The following SNRPD1 variants were observed in gnomAD, a reference collection of about 807,000 sequenced individuals.
SNRPD1 encodes small nuclear ribonucleoprotein Sm D1.
SNRPD1 carries 1 observed loss-of-function variant against 14.4 expected under a neutral mutation model. That is an observed-to-expected ratio of 0.07 (90% confidence interval 0.02 to 0.33). The LOEUF (loss-of-function observed/expected upper bound fraction) is 0.33. Ranked by LOEUF, SNRPD1 falls within the 10% of genes least tolerant of loss-of-function variation. The pLI is 1.00. For missense variants in SNRPD1, 52 were observed against 146.4 expected, an observed-to-expected ratio of 0.36 and a Z score of 3.33; for synonymous variants, 42 against 50.3, an observed-to-expected ratio of 0.83 and a Z score of 0.70.
Position 21,630,546 on chromosome 18 carries a change from G to A in SNRPD1, c.*1408G>A, listed in dbSNP as rs1286207525. 2 of 151,830 alleles carry A rather than the reference G, an allele frequency of 1.3e-5. No homozygotes were observed. Among genetic ancestry groups the A allele is most frequent in the African/African-American group, 4.8e-5 (2 of 41,362 alleles). The allele number at this position is 151,830 out of a possible 1,614,324, so 9.4% of individuals were successfully genotyped here. ...GGAGGCCGAGGCAGGTGGATCACGA[G>A]GTCAGGAGTTGAAGACCAGCTTGGC... is the stretch of plus-strand genomic sequence containing the variant. On this transcript the variant is annotated 3_prime_UTR_variant, in exon 4 of 4. Coordinates refer to ENST00000300413, the MANE Select transcript of SNRPD1 (RefSeq NM_006938.4).
In SNRPD1 at chr18:21,623,860, T is replaced by C; in HGVS notation, c.204T>C (p.Phe68=). 6.2e-7 allele frequency: 1 copy of C among 1,612,628 alleles called. No homozygotes were observed. Among genetic ancestry groups the C allele is most frequent in the South Asian group, 1.1e-5 (1 of 91,036 alleles). ...LSIRGNNIRY[F]ILPDSLPLDT... ...TTCGAGGAAATAACATTCGGTATTT[T>C]ATTCTACCAGACAGTTTACCTCTGG... The change falls in exon 3 of 4, where the codon TTT becomes TTC. Residue 68 remains phenylalanine (F), a synonymous_variant. Coordinates refer to ENST00000300413, the MANE Select transcript of SNRPD1 (RefSeq NM_006938.4).
intron 2 of SNRPD1, among the ~76,000 whole-genome samples, chr18:21,623,322 A>T (rs1276784016): frequency 6.6e-6 from 1 of 152,168 alleles, no homozygotes; most frequent in Non-Finnish European, 1.5e-5. Context: ...CGAACTCCTG[A>T]CCTCATGATC....
At chr18:21,617,607 C>T (rs1375548440) in intron 1 of SNRPD1, among the ~76,000 whole-genome samples, 1 of 152,164 alleles carries the variant, frequency 6.6e-6, no homozygotes, top group Admixed American at 6.6e-5. Context: ...GATGAAAATC[C>T]TTCAGTAGCT....
rs879611331 is a variant in SNRPD1, at chr18:21,630,843, T to C, written c.*1705T>C. ...ATATATAAATATATACTAATAGATA[T>C]ATTAGTATACATGTAGAATGTACCT... On this transcript the variant is annotated 3_prime_UTR_variant, in exon 4 of 4. Coordinates refer to ENST00000300413, the MANE Select transcript of SNRPD1 (RefSeq NM_006938.4). The C allele has an allele frequency of 1.1e-4, 17 of 148,534 alleles. No homozygotes were observed. Among genetic ancestry groups the C allele is most frequent in the Non-Finnish European group, 1.9e-4 (13 of 67,358 alleles). The allele number at this position is 148,534 out of a possible 1,614,324, so 9.2% of individuals were successfully genotyped here. A position where few individuals can be genotyped will look rare whatever the true frequency, so the allele number is the denominator to read the frequency against.
intron 1 of SNRPD1, among the ~76,000 whole-genome samples, chr18:21,614,821 C>T (rs1420243581): frequency 6.6e-6 from 1 of 152,100 alleles, no homozygotes; most frequent in African/African-American, 2.4e-5. Flanking sequence ...AAAGATTCAT[C>T]TGAAAATAAT....
In SNRPD1 at chr18:21,612,363, A is replaced by C. The variant is rs1039920707; in HGVS notation, c.-67A>C. 6.5e-5 allele frequency: 86 copies of C among 1,315,844 alleles called. No homozygotes were observed. In the Admixed American group the frequency reaches 2.0e-3, roughly 30 times the overall value. 81.5% of individuals were successfully genotyped at this position (1,315,844 alleles called of 1,614,324 possible). Reference sequence around the variant, plus strand: ...AGGCGCTTCCGGCCATTCATACTGCAGTCGGTCAGTGTTCGGTTGAAGGAT... The same window carrying C: ...AGGCGCTTCCGGCCATTCATACTGCCGTCGGTCAGTGTTCGGTTGAAGGAT... On this transcript the variant is annotated 5_prime_UTR_variant, in exon 1 of 4. Transcript: ENST00000300413.
In SNRPD1 at chr18:21,625,259, C is replaced by CTT. The variant is rs1286773296; in HGVS notation, c.283+1322_283+1323dup. Reference sequence around the variant, plus strand: ...TTAGATTTTTCAGAAGTTATTCTTCCTTTACTAAATGTTACAGTTCCCAGT... The same window carrying CTT: ...TTAGATTTTTCAGAAGTTATTCTTCCTTTTTACTAAATGTTACAGTTCCCAGT... On this transcript the variant is annotated intron_variant, in intron 3 of 3. Coordinates refer to ENST00000300413, the MANE Select transcript of SNRPD1 (RefSeq NM_006938.4). 3.3e-5 allele frequency among the ~76,000 whole-genome samples: 5 copies of CTT among 149,988 alleles called. No individual in the cohort carries two copies. The East Asian group carries it at 9.7e-4, about 29-fold the overall frequency.
rs2039063007 is a variant in SNRPD1, at chr18:21,629,297, A to G, written c.*159A>G. 3.4e-6 allele frequency: 2 copies of G among 595,092 alleles called. No individual in the cohort carries two copies. Among genetic ancestry groups the G allele is most frequent in the African/African-American group, 1.8e-5 (1 of 54,732 alleles). 36.9% of individuals were successfully genotyped at this position (595,092 alleles called of 1,614,324 possible). On this transcript the variant is annotated 3_prime_UTR_variant, in exon 4 of 4. Coordinates refer to ENST00000300413, the MANE Select transcript of SNRPD1 (RefSeq NM_006938.4). Reference sequence around the variant, plus strand: ...TCCTCCACATTCACGAAATTACCACAGTGAGAGCTAAGCATTTCTACTGGG... The same window carrying G: ...TCCTCCACATTCACGAAATTACCACGGTGAGAGCTAAGCATTTCTACTGGG...
rs1003119262 is a variant in SNRPD1 at position 21,632,915 on chromosome 18, A to T, written c.*3777A>T. ...ACCCAGGCTGGAGTGCAGTGGTGCA[A>T]TCTCGGCTCACTGCAAACTCTGCCT... is the stretch of plus-strand genomic sequence containing the variant. On this transcript the variant is annotated 3_prime_UTR_variant, in exon 4 of 4. Transcript: ENST00000300413. 1 of 150,360 alleles carries T rather than the reference A, an allele frequency of 6.7e-6. No individual in the cohort carries two copies. The highest frequency in any genetic ancestry group is 2.5e-5 in the African/African-American group (1 of 40,670). 9.3% of individuals were successfully genotyped at this position (150,360 alleles called of 1,614,324 possible). A position where few individuals can be genotyped will look rare whatever the true frequency, so the allele number is the denominator to read the frequency against.
rs965258305 is a variant in SNRPD1 at position 21,633,167 on chromosome 18, G to C, written c.*4029G>C. On this transcript the variant is annotated 3_prime_UTR_variant, in exon 4 of 4. Transcript: ENST00000300413. ...GTCCGGCCGAACATTAGTTTTTAAA[G>C]AAATGTATTATGAATATAGATAGAA... 6.6e-6 allele frequency: 1 copy of C among 152,104 alleles called. No individual in the cohort carries two copies. The highest frequency in any genetic ancestry group is 1.5e-5 in the Non-Finnish European group (1 of 68,016). The allele number at this position is 152,104 out of a possible 1,614,324, so 9.4% of individuals were successfully genotyped here. A position where few individuals can be genotyped will look rare whatever the true frequency, so the allele number is the denominator to read the frequency against.
rs1213433264 is a variant in SNRPD1 at position 21,622,648 on chromosome 18, A to T, written c.15-77A>T. 51 of 717,078 alleles carry T rather than the reference A, an allele frequency of 7.1e-5. No individual in the cohort carries two copies. In the East Asian group the frequency reaches 1.2e-3, roughly 17 times the overall value. 44.4% of individuals were successfully genotyped at this position (717,078 alleles called of 1,614,324 possible). The stretch of plus-strand genomic sequence containing the variant: ...AGCATCTAGCAAATTTTCAACATCG[A>T]GTTGTTTCACCCTTTCACCTTAATA... On this transcript the variant is annotated intron_variant, in intron 1 of 3. Transcript: ENST00000300413.
At chr18:21,613,998 C>T (rs986753917) in intron 1 of SNRPD1, among the ~76,000 whole-genome samples, 8 of 151,816 alleles carry the variant, frequency 5.3e-5, no homozygotes, top group Admixed American at 2.6e-4. Context: ...TTAGGCTGGA[C>T]GTGGTGGCTC....
At chr18:21,621,819 C>T (rs909723673) in intron 1 of SNRPD1, among the ~76,000 whole-genome samples, 8 of 151,900 alleles carry the variant, frequency 5.3e-5, no homozygotes, top group East Asian at 1.9e-4. Flanking sequence ...TCAGATGATC[C>T]GCCCTCCTCG....
At chr18:21,614,997 T>C (rs531095074) in intron 1 of SNRPD1, among the ~76,000 whole-genome samples, 1 of 152,302 alleles carries the variant, frequency 6.6e-6, no homozygotes, top group Non-Finnish European at 1.5e-5. Context: ...TACAATGAAA[T>C]GCAGTGTATA....
intron 1 of SNRPD1, among the ~76,000 whole-genome samples, chr18:21,615,786 T>C (rs1404286821): frequency 6.6e-6 from 1 of 152,172 alleles, no homozygotes; most frequent in African/African-American, 2.4e-5. Flanking sequence ...GACTGTAACA[T>C]AGTTATGTGT....
chr18:21,623,154 C>G (rs963585056), intron 2 of SNRPD1, among the ~76,000 whole-genome samples: 5 of 151,990 alleles, frequency 3.3e-5, no homozygotes, highest in Admixed American at 6.6e-5. Flanking sequence ...GGCACAATCT[C>G]AGGTCACTAC....
At chr18:21,619,833 C>G (rs1485504854) in intron 1 of SNRPD1, among the ~76,000 whole-genome samples, 1 of 152,116 alleles carries the variant, frequency 6.6e-6, no homozygotes, top group East Asian at 1.9e-4. Flanking sequence ...CACACAGGCT[C>G]CAGGGCAGTG....
Position 21,621,433 on chromosome 18 carries a change from C to T in SNRPD1, c.15-1292C>T, listed in dbSNP as rs1367034818. On this transcript the variant is annotated intron_variant, in intron 1 of 3. Transcript: ENST00000300413. Reference sequence around the variant, plus strand: ...TGGCTTTTTGTGAGATGGAGTCTTGCCCTGTCACTCAGGCTGGGGTACAGT... The same window carrying T: ...TGGCTTTTTGTGAGATGGAGTCTTGTCCTGTCACTCAGGCTGGGGTACAGT... Among the ~76,000 whole-genome samples the T allele has an allele frequency of 1.7e-4, 26 of 151,956 alleles. No homozygotes were observed. The Admixed American group carries it at 1.7e-3, about 10-fold the overall frequency.
intron 3 of SNRPD1, among the ~76,000 whole-genome samples, chr18:21,626,147 C>T (rs1410997442): frequency 6.6e-6 from 1 of 151,818 alleles, no homozygotes; most frequent in Non-Finnish European, 1.5e-5. Flanking sequence ...AATCCCAGTA[C>T]TTTGGGAGGC....
Sources: allele counts gnomAD v4.1 joint callset (sites outside exome capture counted in the v4.1 genomes callset), GRCh38; gene constraint gnomAD v4.1.1; transcripts MANE v1.5; gene names NCBI Gene and HGNC (gene_info 2026-07-23, HGNC 2026-07-21).